Variants in MAGEA10 observed in about 807,000 individuals in gnomAD.
MAGEA10 encodes the protein MAGE family member A10.
MAGEA10 carries 7 observed loss-of-function variants against 8.6 expected under a neutral mutation model. The observed-to-expected ratio is 0.82, with a 90% CI of 0.46 to 1.53. MAGEA10 has a LOEUF of 1.53. Among genes scored for constraint, MAGEA10 ranks in the 40% most tolerant of loss-of-function variants. The pLI, the probability that MAGEA10 is intolerant of heterozygous loss-of-function variation, is 0.01. For synonymous variants in MAGEA10, 125 were observed against 107.4 expected (o/e 1.16, Z -1.02); for missense variants, 293 against 274.0 (o/e 1.07, Z -0.49).
rs777848689 is a variant in MAGEA10 at position 152,135,352 on chromosome X, G to A, written c.269C>T (p.Ala90Val). ...TPNPPQSAQI[A>V]CSSPSVVASL... ...AGCAACGACCGAGGGGGAGGAGCAGGCTATCTGAGCACTCTGGGGAGGATT... is the reference window on the plus strand; with the variant it reads ...AGCAACGACCGAGGGGGAGGAGCAGACTATCTGAGCACTCTGGGGAGGATT... The change falls in exon 4 of 4, where the codon GCC becomes GTC. Residue 90 changes from alanine (A) to valine (V), a missense_variant. Physicochemically the swap from Ala to Val is moderately conservative, Grantham distance 64 (BLOSUM62 0). Transcript: ENST00000370323. The A allele has an allele frequency of 4.1e-5, 50 of 1,207,250 alleles. No individual in the cohort carries two copies. The South Asian group carries it at 8.2e-4, about 20-fold the overall frequency.
chrX:152,135,313 T>A lies in MAGEA10; in HGVS notation c.308A>T (p.Asp103Val). 2 of 1,210,928 alleles carry A rather than the reference T, an allele frequency of 1.7e-6. No individual in the cohort carries two copies. The highest frequency in any genetic ancestry group is 2.2e-6 in the Non-Finnish European group (2 of 895,300). Residue 103 changes from aspartate to valine, a missense_variant, in exon 4 of 4, where the codon GAT becomes GTT. Coordinates refer to ENST00000370323, the MANE Select transcript of MAGEA10 (RefSeq NM_021048.5). Reference protein sequence around the residue: ...SPSVVASLPLDQSDEGSSSQK... With the variant: ...SPSVVASLPLVQSDEGSSSQK... ...GCTGCTGGAGCCCTCATCAGATTGA[T>A]CTAATGGAAGGGAAGCAACGACCGA...
chrX:152,138,191 CA>C (rs1337235954), intron 1 of MAGEA10, among the ~76,000 whole-genome samples: 3 of 111,199 alleles, frequency 2.7e-5, no homozygotes, highest in Non-Finnish European at 5.7e-5. Flanking sequence ...GGGCCGACAT[CA>C]GGGGCAGAGC....
chrX:152,135,727 CACACCCTGGAGGT>C, intron 3 of MAGEA10, 21 bp downstream of exon 3: 3 of 727,916 alleles, frequency 4.1e-6, no homozygotes, highest in Non-Finnish European at 5.9e-6. Flanking sequence ...AGCTGAGAAC[CACACCCTGGAGGT>C]TCTAACAAAG....
chrX:152,134,443 C>A lies in MAGEA10; in HGVS notation c.*68G>T. On this transcript the variant is annotated 3_prime_UTR_variant, in exon 4 of 4. Transcript: ENST00000370323. ...CTTTTTTTTTTTTTTTTTTTAGATT[C>A]CACATATGAGTAAAATCATGTGGTA... 15 of 790,083 alleles carry A rather than the reference C, an allele frequency of 1.9e-5. No homozygotes were observed. Among genetic ancestry groups the A allele is most frequent in the Non-Finnish European group, 2.4e-5 (14 of 571,700 alleles). The allele number at this position is 790,083 out of a possible 1,213,427, so 65.1% of individuals were successfully genotyped here. A position where few individuals can be genotyped will look rare whatever the true frequency, so the allele number is the denominator to read the frequency against.
chrX:152,134,872 AGTG>A lies in MAGEA10; in HGVS notation c.746_748del (p.Ala249_Leu250delinsVal). On this transcript the variant is annotated inframe_deletion, in exon 4 of 4. Coordinates refer to ENST00000370323, the MANE Select transcript of MAGEA10 (RefSeq NM_021048.5). ...CCCATCATACAGCCCCATCATATTC[AGTG>A]CTTCCCAGATGACCTCCTCAGGGGT... The A allele has an allele frequency of 8.3e-7, 1 of 1,211,230 alleles. No individual in the cohort carries two copies. Among genetic ancestry groups the A allele is most frequent in the Non-Finnish European group, 1.1e-6 (1 of 895,341 alleles).
chrX:152,135,876 G>A, intron 2 of MAGEA10, 42 bp from the exon 3 acceptor site: 1 of 283,598 alleles, frequency 3.5e-6, no homozygotes. Context: ...GATGCAGCCG[G>A]CAGAGGCCAA....
At position 152,135,088 on chromosome X, in the gene MAGEA10, T is replaced by C. The variant is rs149860947; in HGVS notation, c.533A>G (p.Glu178Gly). The change falls in exon 4 of 4, where the codon GAA (glutamate) becomes GGA (glycine). Residue 178 changes from glutamate to glycine, a missense_variant. By Grantham distance (98) the Glu-to-Gly change is moderately conservative (BLOSUM62 -2). Transcript: ENST00000370323. The part of the protein sequence containing the change: ...YEDHFPLLFS[E>G]ASECMLLVFG... ...GACCAGCAGCATGCACTCGGAGGCT[T>C]CACTAAACAACAAAGGGAAGTGGTC... 1 of 1,209,475 alleles carries C rather than the reference T, an allele frequency of 8.3e-7. No individual in the cohort carries two copies. Among genetic ancestry groups the C allele is most frequent in the African/African-American group, 1.8e-5 (1 of 57,104 alleles).
Position 152,135,273 on chromosome X carries a change from A to G in MAGEA10, c.348T>C (p.Ser116=). The G allele has an allele frequency of 7.4e-6, 9 of 1,209,564 alleles. No homozygotes were observed. Among genetic ancestry groups the G allele is most frequent in the Non-Finnish European group, 1.0e-5 (9 of 894,834 alleles). Residue 116 remains serine, a synonymous_variant, in exon 4 of 4, where the codon AGT becomes AGC. Transcript: ENST00000370323. ...DEGSSSQKEE[S]PSTLQVLPDS... ...CTGGCAGGACCTGTAGGGTGCTTGG[A>G]CTCTCCTCCTTTTGGCTGCTGGAGC...
At chrX:152,138,221 C>A (rs1167048767) in intron 1 of MAGEA10, among the ~76,000 whole-genome samples, 1 of 109,911 alleles carries the variant, frequency 9.1e-6, no homozygotes, top group Non-Finnish European at 1.9e-5. Context: ...AGCGTCCCGA[C>A]ATTGATGCTG....
At chrX:152,138,351 G>GGGGGGGGGGGGGT (rs1936727986) in intron 1 of MAGEA10, 124 bp downstream of exon 1, 1 of 82,607 alleles carries the variant, frequency 1.2e-5, no homozygotes, top group Non-Finnish European at 2.4e-5. Flanking sequence ...TGGGGGGGGG[G>GGGGGGGGGGGGGT]TGACAGCCCA....
Position 152,134,342 on chromosome X carries a change from A to G in MAGEA10, c.*169T>C. ...TTAACTATAGTCATCCTACTGTGCA[A>G]TAGAACACTAGAACTTATTCCTCCT... is the stretch of plus-strand genomic sequence containing the variant. On this transcript the variant is annotated 3_prime_UTR_variant, in exon 4 of 4. Transcript: ENST00000370323. 2.3e-6 allele frequency: 1 copy of G among 431,903 alleles called. No individual in the cohort carries two copies. Among genetic ancestry groups the G allele is most frequent in the Non-Finnish European group, 3.9e-6 (1 of 253,527 alleles). The allele number at this position is 431,903 out of a possible 1,213,427, so 35.6% of individuals were successfully genotyped here. A position where few individuals can be genotyped will look rare whatever the true frequency, so the allele number is the denominator to read the frequency against.
chrX:152,137,444 A>AGGGGGGGGGGGGGGG (rs1603184059), intron 1 of MAGEA10, among the ~76,000 whole-genome samples: 1 of 1,143 alleles, frequency 8.7e-4, no homozygotes, highest in African/African-American at 3.6e-3. Flanking sequence ...GGTGGTGGGC[A>AGGGGGGGGGGGGGGG]GGGGAGGGGG....
rs777894946 is a variant in MAGEA10, at chrX:152,135,080, C to T, written c.541G>A (p.Glu181Lys). 4.1e-6 allele frequency: 5 copies of T among 1,209,199 alleles called. No individual in the cohort carries two copies. The highest frequency in any genetic ancestry group is 3.5e-5 in the African/African-American group (2 of 57,021). Residue 181 changes from glutamate to lysine, a missense_variant, in exon 4 of 4, where the codon GAG (glutamate) becomes AAG (lysine). Physicochemically the swap from Glu to Lys is moderately conservative, Grantham distance 56 (BLOSUM62 1). Transcript: ENST00000370323. ...HFPLLFSEAS[E>K]CMLLVFGIDV... ...ATGCCAAAGACCAGCAGCATGCACT[C>T]GGAGGCTTCACTAAACAACAAAGGG... is the stretch of plus-strand genomic sequence containing the variant.
intron 1 of MAGEA10, 134 bp downstream of exon 1, chrX:152,138,341 T>TGGGGGGGGGGGGGGGGGG (rs11365460): frequency 7.6e-5 from 2 of 26,405 alleles, no homozygotes; most frequent in Non-Finnish European, 1.5e-4. Flanking sequence ...GGGGCGGGGG[T>TGGGGGGGGGGGGGGGGGG]GGGGGGGGGG....
intron 1 of MAGEA10, 51 bp downstream of exon 1, chrX:152,138,424 G>A (rs905676181): frequency 2.8e-5 from 3 of 107,455 alleles, no homozygotes; most frequent in Non-Finnish European, 3.8e-5. Context: ...GTATTATTTA[G>A]GGCTTTCTAT....
At chrX:152,137,768 A>T (rs1386966553) in intron 1 of MAGEA10, among the ~76,000 whole-genome samples, 2 of 109,297 alleles carry the variant, frequency 1.8e-5, no homozygotes, top group African/African-American at 6.7e-5. Flanking sequence ...CCCTCTCCTC[A>T]TTGACACCCC....
Position 152,135,118 on chromosome X carries a change from T to A in MAGEA10, c.503A>T (p.Tyr168Phe). Reference protein sequence around the residue: ...AEILESVIRNYEDHFPLLFSE... With the variant: ...AEILESVIRNFEDHFPLLFSE... ...AAACAACAAAGGGAAGTGGTCTTCA[T>A]AATTTCTTATGACACTCTCCAGTAT... The change falls in exon 4 of 4, where the codon TAT (tyrosine) becomes TTT (phenylalanine). Residue 168 changes from tyrosine (Y) to phenylalanine (F), a missense_variant. Coordinates refer to ENST00000370323, the MANE Select transcript of MAGEA10 (RefSeq NM_021048.5). 8.3e-7 allele frequency: 1 copy of A among 1,211,474 alleles called. No individual in the cohort carries two copies. The highest frequency in any genetic ancestry group is 1.1e-6 in the Non-Finnish European group (1 of 895,314).
Position 152,134,222 on chromosome X carries a change from G to C in MAGEA10, c.*289C>G, listed in dbSNP as rs1936614370. 3.6e-6 allele frequency: 1 copy of C among 279,906 alleles called. No individual in the cohort carries two copies. Among genetic ancestry groups the C allele is most frequent in the Non-Finnish European group, 6.2e-6 (1 of 160,274 alleles). The allele number at this position is 279,906 out of a possible 1,213,427, so 23.1% of individuals were successfully genotyped here. A position where few individuals can be genotyped will look rare whatever the true frequency, so the allele number is the denominator to read the frequency against. ...TGTAGTATAATGATCAAATCAGGTA[G>C]TGTATCCATCACCTCATGCATTTAT... On this transcript the variant is annotated 3_prime_UTR_variant, in exon 4 of 4. Coordinates refer to ENST00000370323, the MANE Select transcript of MAGEA10 (RefSeq NM_021048.5).
intron 1 of MAGEA10, 134 bp downstream of exon 1, chrX:152,138,341 T>TGGGGGGGGGGGGGGGGG (rs11365460): frequency 2.7e-4 from 7 of 26,414 alleles, no homozygotes; most frequent in Admixed American, 8.8e-4. Flanking sequence ...GGGGCGGGGG[T>TGGGGGGGGGGGGGGGGG]GGGGGGGGGG....
Sources: allele counts gnomAD v4.1 joint callset (sites outside exome capture counted in the v4.1 genomes callset), GRCh38; gene constraint gnomAD v4.1.1; transcripts MANE v1.5; gene names NCBI Gene and HGNC (gene_info 2026-07-23, HGNC 2026-07-21).